Variants in PRR5 observed in about 807,000 individuals in gnomAD.
PRR5 encodes proline-rich protein 5.
Under a neutral mutation model 30.6 loss-of-function variants are expected in PRR5, and 25 were observed. The observed-to-expected ratio is 0.82, with a 90% confidence interval of 0.60 to 1.14. The LOEUF is 1.14. PRR5 is among the 50% of genes most tolerant of loss of function. The probability of loss-of-function intolerance (pLI) is 0.00; values close to 1 mark genes in which losing one functional copy is unlikely to be tolerated. For synonymous variants in PRR5, 286 were observed against 247.1 expected, an observed-to-expected ratio of 1.16 and a Z score of -1.48; for missense variants, 600 against 547.1, an observed-to-expected ratio of 1.10 and a Z score of -0.96.
intron 6 of PRR5, among the ~76,000 whole-genome samples, chr22:44,732,787 A>G (rs1569111313): frequency 8.4e-6 from 1 of 119,254 alleles, no homozygotes; most frequent in Admixed American, 7.8e-5. Flanking sequence ...GTGCACGCAC[A>G]TACTACATGT....
intron 4 of PRR5, among the ~76,000 whole-genome samples, chr22:44,727,250 T>A (rs1050166918): frequency 6.6e-6 from 1 of 152,012 alleles, no homozygotes; most frequent in Admixed American, 6.5e-5. Context: ...CTGGCCTCAC[T>A]GTGCAGGTTG....
intron 1 of PRR5, among the ~76,000 whole-genome samples, chr22:44,687,685 T>C (rs1924872441): frequency 6.6e-6 from 1 of 152,218 alleles, no homozygotes. Flanking sequence ...CCTGGTCTCC[T>C]GGCTGCTATC....
Position 44,702,574 on chromosome 22 carries a change from C to G in PRR5, c.100C>G (p.Gln34Glu). Residue 34 changes from glutamine (Q) to glutamate (E), a missense_variant, in exon 1 of 8, where the codon CAG (glutamine) becomes GAG (glutamate). Gln to Glu is a conservative substitution (Grantham distance 29, BLOSUM62 2). Coordinates refer to ENST00000336985, the MANE Select transcript of PRR5 (RefSeq NM_181333.4). ...AAAADERGTQ[Q>E]RRACANATWN... ...CGCCGCGGACGAGCGGGGCACGCAG[C>G]AGCGCCGGGCCTGCGCCAACGCCAC... 2 of 1,410,058 alleles carry G rather than the reference C, an allele frequency of 1.4e-6. No individual in the cohort carries two copies. The highest frequency in any genetic ancestry group is 3.0e-5 in the South Asian group (2 of 66,382). The allele number at this position is 1,410,058 out of a possible 1,614,324, so 87.3% of individuals were successfully genotyped here.
intron 1 of PRR5, among the ~76,000 whole-genome samples, chr22:44,707,746 G>A (rs1927461169): frequency 6.6e-6 from 1 of 152,192 alleles, no homozygotes; most frequent in South Asian, 2.1e-4. Flanking sequence ...GGGGGTGGGA[G>A]GAGCTCCCCA....
chr22:44,689,476 G>A (rs1434514749), intron 1 of PRR5, among the ~76,000 whole-genome samples: 2 of 152,348 alleles, frequency 1.3e-5, no homozygotes, highest in East Asian at 3.9e-4. Context: ...CAGATTACCC[G>A]AAGAGGGTAA....
chr22:44,704,893 C>G (rs1285066607), intron 1 of PRR5, among the ~76,000 whole-genome samples: 1 of 152,208 alleles, frequency 6.6e-6, no homozygotes, highest in Non-Finnish European at 1.5e-5. Flanking sequence ...TGAGTGGAAA[C>G]TGCAGGGAGC....
In PRR5 at chr22:44,736,976, C is replaced by A; in HGVS notation, c.896C>A (p.Pro299His). The change falls in exon 8 of 8, where the codon CCC (proline) becomes CAC (histidine). Residue 299 changes from proline (P) to histidine (H), a missense_variant. Coordinates refer to ENST00000336985, the MANE Select transcript of PRR5 (RefSeq NM_181333.4). ...GAGCCTCAGGGCTTCTCCGACCCGC[C>A]CGGCCAGGGCCCCACCGGGACCTTC... ...CPEPQGFSDP[P>H]GQGPTGTFRS... The A allele has an allele frequency of 6.2e-7, 1 of 1,600,966 alleles. No individual in the cohort carries two copies. The highest frequency in any genetic ancestry group is 1.1e-5 in the South Asian group (1 of 90,708).
intron 1 of PRR5, among the ~76,000 whole-genome samples, chr22:44,669,252 T>C (rs1184145546): frequency 6.6e-6 from 1 of 151,838 alleles, no homozygotes; most frequent in Non-Finnish European, 1.5e-5. Flanking sequence ...TCGCCATTGC[T>C]CCCCCTAATA....
rs79498983 is a variant in PRR5, at chr22:44,730,319, C to G, written c.323-1411C>G. The G allele has an allele frequency of 3.0e-4, 295 of 985,254 alleles. 1 individual carries two copies. Among genetic ancestry groups the G allele is most frequent in the Non-Finnish European group, 3.5e-4 (290 of 829,844 alleles). 61.0% of individuals were successfully genotyped at this position (985,254 alleles called of 1,614,324 possible). A position where few individuals can be genotyped will look rare whatever the true frequency, so the allele number is the denominator to read the frequency against. ...CACTCAGAGGCGCCCACACCAAGAT[C>G]TCTCTCGCCAGTTGTTCGTCTGGCT... On this transcript the variant is annotated intron_variant, in intron 4 of 7. Transcript: ENST00000336985.
rs1226477949 is a variant in PRR5 at position 44,708,998 on chromosome 22, G to T, written c.135-5593G>T. Among the ~76,000 whole-genome samples, 4 of 148,522 alleles carry T rather than the reference G, an allele frequency of 2.7e-5. 1 individual carries two copies. ...AAAAAAAAAAAAAAAAAAAAAGAAGGTACAAGGACTGCCCAGGTTCATGCA... is the reference window on the plus strand; with the variant it reads ...AAAAAAAAAAAAAAAAAAAAAGAAGTTACAAGGACTGCCCAGGTTCATGCA... On this transcript the variant is annotated intron_variant, in intron 1 of 7. Coordinates refer to ENST00000336985, the MANE Select transcript of PRR5 (RefSeq NM_181333.4).
At chr22:44,707,487 G>C (rs1927412259) in intron 1 of PRR5, among the ~76,000 whole-genome samples, 1 of 152,182 alleles carries the variant, frequency 6.6e-6, no homozygotes, top group South Asian at 2.1e-4. Flanking sequence ...GGCGGGCTCT[G>C]TGCTTGTGCC....
intron 4 of PRR5, chr22:44,730,564 C>T (rs1921762265): frequency 1.0e-6 from 1 of 988,236 alleles, no homozygotes; most frequent in African/African-American, 1.7e-5. Context: ...CAGCAGAAAT[C>T]CTACAGAGCT....
intron 4 of PRR5, chr22:44,730,387 T>G: frequency 1.0e-6 from 1 of 985,072 alleles, no homozygotes; most frequent in Non-Finnish European, 1.2e-6. Flanking sequence ...CCTTGGACTG[T>G]GCATCCCTGG....
At chr22:44,720,767 G>A (rs1222046694) in intron 2 of PRR5, among the ~76,000 whole-genome samples, 2 of 152,310 alleles carry the variant, frequency 1.3e-5, no homozygotes, top group East Asian at 1.9e-4. Flanking sequence ...GCAAATGGGG[G>A]GATGCTCAGC....
chr22:44,710,905 C>CA, intron 1 of PRR5, among the ~76,000 whole-genome samples: 1 of 152,096 alleles, frequency 6.6e-6, no homozygotes, highest in African/African-American at 2.4e-5. Context: ...CAGGGCAGGG[C>CA]GTGCTGACCT....
chr22:44,728,610 G>A (rs1474661927), intron 4 of PRR5, among the ~76,000 whole-genome samples: 3 of 152,252 alleles, frequency 2.0e-5, no homozygotes, highest in Non-Finnish European at 4.4e-5. Flanking sequence ...GGTCTGTTCA[G>A]GGGAACTTGT....
intron 1 of PRR5, among the ~76,000 whole-genome samples, chr22:44,678,810 G>T (rs1387242328): frequency 6.6e-6 from 1 of 152,140 alleles, no homozygotes; most frequent in African/African-American, 2.4e-5. Context: ...GACAGCCTGG[G>T]GCTGCTCTGT....
chr22:44,673,029 T>G (rs938429989), upstream of PRR5, among the ~76,000 whole-genome samples: 8 of 152,258 alleles, frequency 5.3e-5, no homozygotes, highest in South Asian at 2.1e-4. Flanking sequence ...CTGCTCATTT[T>G]CTGGAAGGTT....
chr22:44,690,074 A>AG (rs1925111426), intron 1 of PRR5, among the ~76,000 whole-genome samples: 1 of 151,916 alleles, frequency 6.6e-6, no homozygotes, highest in Non-Finnish European at 1.5e-5. Context: ...CTTACAGAGG[A>AG]GGGAAGCGGC....
Sources: allele counts gnomAD v4.1 joint callset (sites outside exome capture counted in the v4.1 genomes callset), GRCh38; gene constraint gnomAD v4.1.1; transcripts MANE v1.5; gene names NCBI Gene and HGNC (gene_info 2026-07-23, HGNC 2026-07-21).